ASAP2: variants seen among roughly 807,000 people sequenced by gnomAD.
The protein encoded by ASAP2 is ArfGAP with SH3 domain, ankyrin repeat and PH domain 2.
In ASAP2, 45 loss-of-function variants were observed where a neutral mutation model predicts 131.4. The observed-to-expected ratio is 0.34, with a 90% CI of 0.27 to 0.44. The LOEUF (loss-of-function observed/expected upper bound fraction) is 0.44, where lower values mean the gene tolerates loss of function less well. ASAP2 is among the 20% of genes least tolerant of loss of function. ASAP2 has a pLI of 1.00. For missense variants in ASAP2, 1,011 were observed against 1,297.0 expected (o/e 0.78, Z 3.39); for synonymous variants, 510 against 503.0 (o/e 1.01, Z -0.19).
At chr2:9,347,301 G>A (rs1186063075) in intron 11 of ASAP2, among the ~76,000 whole-genome samples, 1 of 152,180 alleles carries the variant, frequency 6.6e-6, no homozygotes, top group African/African-American at 2.4e-5. Flanking sequence ...GGTTGCATGT[G>A]GGGAAGTGAG....
chr2:9,293,211 TCTCAGTTCATC>T (rs1667928977), intron 2 of ASAP2, among the ~76,000 whole-genome samples: 1 of 152,226 alleles, frequency 6.6e-6, no homozygotes, highest in Admixed American at 6.5e-5. Flanking sequence ...TGCCAGAGTC[TCTCAGTTCATC>T]CTTTTGCAGG....
chr2:9,308,352 T>A (rs1159334346), intron 3 of ASAP2, among the ~76,000 whole-genome samples: 2 of 152,096 alleles, frequency 1.3e-5, no homozygotes, highest in Admixed American at 6.5e-5. Context: ...TGCTACACAG[T>A]ACCAAGGGGC....
intron 1 of ASAP2, among the ~76,000 whole-genome samples, chr2:9,209,683 C>T (rs1237244505): frequency 6.6e-6 from 1 of 152,240 alleles, no homozygotes; most frequent in East Asian, 1.9e-4. Flanking sequence ...GATTCTCCTG[C>T]CTCAGCCTCC....
At chr2:9,347,679 C>G (rs568201804) in intron 11 of ASAP2, among the ~76,000 whole-genome samples, 1 of 152,126 alleles carries the variant, frequency 6.6e-6, no homozygotes, top group Non-Finnish European at 1.5e-5. Context: ...CCTTCTTAGC[C>G]AAGTCTGTTT....
chr2:9,317,709 C>A (rs1364804854), intron 3 of ASAP2, among the ~76,000 whole-genome samples: 2 of 151,540 alleles, frequency 1.3e-5, no homozygotes, highest in African/African-American at 2.4e-5. Context: ...CGCCCACACA[C>A]ACCCATACAC....
At chr2:9,266,416 G>A (rs1165315015) in intron 1 of ASAP2, among the ~76,000 whole-genome samples, 1 of 152,118 alleles carries the variant, frequency 6.6e-6, no homozygotes, top group Non-Finnish European at 1.5e-5. Flanking sequence ...CAAAGTGTTG[G>A]GGTTACAAGC....
intron 15 of ASAP2, among the ~76,000 whole-genome samples, chr2:9,364,009 A>G (rs1292779684): frequency 6.6e-6 from 1 of 152,244 alleles, no homozygotes; most frequent in African/African-American, 2.4e-5. Flanking sequence ...ACTTTGGGAA[A>G]AACTTTCTGG....
At chr2:9,302,925 C>T (rs985003867) in intron 3 of ASAP2, among the ~76,000 whole-genome samples, 4 of 152,162 alleles carry the variant, frequency 2.6e-5, no homozygotes, top group African/African-American at 9.7e-5. Context: ...GGCATCCTGG[C>T]TTGGCTGCAT....
At position 9,271,382 on chromosome 2, in the gene ASAP2, G is replaced by GA; in HGVS notation, c.127-7933dup. On this transcript the variant is annotated intron_variant, in intron 1 of 27. Transcript: ENST00000281419. The stretch of plus-strand genomic sequence containing the variant: ...TTCTTGCACCTGTCACCCTGTAGCT[G>GA]AATTACTTCTCCATATTCTGGATGC... The GA allele has an allele frequency of 2.9e-6, 4 of 1,390,376 alleles. 1 individual carries two copies. In the South Asian group the frequency reaches 4.7e-5, roughly 16 times the overall value. 86.1% of individuals were successfully genotyped at this position (1,390,376 alleles called of 1,614,324 possible). A position where few individuals can be genotyped will look rare whatever the true frequency, so the allele number is the denominator to read the frequency against.
intron 3 of ASAP2, among the ~76,000 whole-genome samples, chr2:9,309,412 C>T (rs1380032967): frequency 6.6e-6 from 1 of 152,064 alleles, no homozygotes; most frequent in East Asian, 1.9e-4. Context: ...TTCCAGATAC[C>T]GTATATAAAA....
At chr2:9,226,854 G>A (rs1404555213) in intron 1 of ASAP2, among the ~76,000 whole-genome samples, 1 of 152,216 alleles carries the variant, frequency 6.6e-6, no homozygotes, top group Admixed American at 6.5e-5. Flanking sequence ...CAGAAAGGCG[G>A]GAGGTCTGGA....
At chr2:9,271,478 C>T (rs752321344) in intron 1 of ASAP2, 40 of 1,398,026 alleles carry the variant, frequency 2.9e-5, no homozygotes, top group South Asian at 2.0e-4. Context: ...TAATCATCAG[C>T]GATCCCTTGG....
rs1285207359 is a variant in ASAP2, at chr2:9,376,169, CAGAA to C, written c.1747-734_1747-731del. ...GCTGGTCCCACTCTCTCCCCATCCC[CAGAA>C]AGAACTCATGCCCACCAATGCAGTG... is the stretch of plus-strand genomic sequence containing the variant. On this transcript the variant is annotated intron_variant, in intron 17 of 27. Transcript: ENST00000281419. Among the ~76,000 whole-genome samples, 12 of 152,394 alleles carry C rather than the reference CAGAA, an allele frequency of 7.9e-5. No individual in the cohort carries two copies. The East Asian group carries it at 2.3e-3, about 29-fold the overall frequency.
intron 6 of ASAP2, among the ~76,000 whole-genome samples, chr2:9,325,640 G>A (rs139214182): frequency 2.9e-4 from 44 of 152,316 alleles, no homozygotes; most frequent in Admixed American, 1.2e-3. Context: ...TGGCTCTGTC[G>A]TTGCTTCCTG....
intron 1 of ASAP2, among the ~76,000 whole-genome samples, chr2:9,265,215 T>C (rs1407970104): frequency 6.6e-6 from 1 of 152,264 alleles, no homozygotes; most frequent in Non-Finnish European, 1.5e-5. Context: ...TTACATTGCA[T>C]TAGATATAAG....
chr2:9,293,299 C>T (rs540664521), intron 2 of ASAP2, among the ~76,000 whole-genome samples: 9 of 152,164 alleles, frequency 5.9e-5, no homozygotes, highest in South Asian at 4.1e-4. Context: ...TGAGAAGAAA[C>T]GAAGTCTTGT....
intron 1 of ASAP2, among the ~76,000 whole-genome samples, chr2:9,226,419 C>A (rs538941639): frequency 6.6e-6 from 1 of 152,286 alleles, no homozygotes; most frequent in South Asian, 2.1e-4. Context: ...GTCTACTTTC[C>A]GCCCCTCTTG....
At chr2:9,398,090 T>C (rs1676322219) in intron 24 of ASAP2, among the ~76,000 whole-genome samples, 1 of 152,090 alleles carries the variant, frequency 6.6e-6, no homozygotes, top group South Asian at 2.1e-4. Context: ...ATGAAAATTG[T>C]GTGAGATTCA....
chr2:9,337,282 G>A (rs766857887), intron 9 of ASAP2, among the ~76,000 whole-genome samples: 13 of 152,188 alleles, frequency 8.5e-5, no homozygotes, highest in Non-Finnish European at 1.6e-4. Context: ...TTGCTTTTAG[G>A]TGATGGCATT....
Sources: allele counts gnomAD v4.1 joint callset (sites outside exome capture counted in the v4.1 genomes callset), GRCh38; gene constraint gnomAD v4.1.1; transcripts MANE v1.5; gene names NCBI Gene and HGNC (gene_info 2026-07-23, HGNC 2026-07-21).